Variants in SMOC1 observed in about 807,000 individuals in gnomAD.
SMOC1 encodes the protein SPARC-related modular calcium-binding protein 1.
Under a neutral mutation model 56.3 loss-of-function variants are expected in SMOC1, and 22 were observed. That is an observed-to-expected ratio of 0.39 (90% CI 0.28 to 0.56). The LOEUF (loss-of-function observed/expected upper bound fraction) is 0.56. SMOC1 is among the 20% of genes least tolerant of loss of function. The probability of loss-of-function intolerance (pLI) is 0.61; values close to 1 mark genes in which losing one functional copy is unlikely to be tolerated. For missense variants in SMOC1, 509 were observed against 565.4 expected (o/e 0.90, Z 1.01); for synonymous variants, 193 against 215.0 (o/e 0.90, Z 0.89).
chr14:70,029,202 G>C (rs1594864960), intron 11 of SMOC1, among the ~76,000 whole-genome samples: 1 of 152,218 alleles, frequency 6.6e-6, no homozygotes, highest in East Asian at 1.9e-4. Flanking sequence ...AGGACCTGCT[G>C]GAGCAGGCGT....
chr14:69,960,659 C>A (rs1455348534), intron 3 of SMOC1, among the ~76,000 whole-genome samples: 1 of 152,218 alleles, frequency 6.6e-6, no homozygotes, highest in Non-Finnish European at 1.5e-5. Flanking sequence ...GAGCATCTCA[C>A]TACTTGTTTT....
At chr14:69,981,550 G>A (rs1373261810) in intron 5 of SMOC1, among the ~76,000 whole-genome samples, 2 of 152,028 alleles carry the variant, frequency 1.3e-5, no homozygotes, top group East Asian at 1.9e-4. Flanking sequence ...AGAGGGGGAC[G>A]GTGCACATGT....
chr14:70,023,793 G>A (rs1188271766), intron 11 of SMOC1, among the ~76,000 whole-genome samples: 1 of 151,636 alleles, frequency 6.6e-6, no homozygotes, highest in East Asian at 1.9e-4. Context: ...CAGCATGGTC[G>A]CAGGTTGTAG....
At chr14:70,016,835 T>A (rs1187505023) in intron 10 of SMOC1, among the ~76,000 whole-genome samples, 2 of 152,210 alleles carry the variant, frequency 1.3e-5, no homozygotes, top group Admixed American at 6.5e-5. Flanking sequence ...CCTGCTTATC[T>A]ATTTAAATGT....
chr14:70,018,844 A>G (rs531777859), intron 10 of SMOC1, among the ~76,000 whole-genome samples: 1 of 152,300 alleles, frequency 6.6e-6, no homozygotes, highest in African/African-American at 2.4e-5. Flanking sequence ...TGCAAGGAAG[A>G]GGCTGGAATG....
At chr14:69,904,221 C>G (rs1884346933) in intron 1 of SMOC1, among the ~76,000 whole-genome samples, 2 of 152,264 alleles carry the variant, frequency 1.3e-5, no homozygotes, top group African/African-American at 4.8e-5. Flanking sequence ...TCATTCACAA[C>G]AGAGAGTCAG....
chr14:69,903,706 A>G (rs1252672067), intron 1 of SMOC1, among the ~76,000 whole-genome samples: 1 of 152,126 alleles, frequency 6.6e-6, no homozygotes, highest in Non-Finnish European at 1.5e-5. Context: ...TGAAGGCAGC[A>G]TGCTCGTTAA....
chr14:69,947,714 C>T (rs1882840044), intron 1 of SMOC1, among the ~76,000 whole-genome samples: 1 of 152,112 alleles, frequency 6.6e-6, no homozygotes, highest in Admixed American at 6.5e-5. Context: ...AGCCTCTAGC[C>T]ACATGTGGTC....
intron 1 of SMOC1, among the ~76,000 whole-genome samples, chr14:69,900,988 T>C (rs930697843): frequency 6.6e-6 from 1 of 152,224 alleles, no homozygotes; most frequent in African/African-American, 2.4e-5. Context: ...GCTCCTTTAC[T>C]GACATGAAAT....
Position 69,922,316 on chromosome 14 carries a change from C to CT in SMOC1, c.100-29815dup, listed in dbSNP as rs113076323. Reference sequence around the variant, plus strand: ...TAAACAGTGGTGATGTTGTTATCTGCTTTTTTTGCCTCTCTTCATCATGCT... The same window carrying CT: ...TAAACAGTGGTGATGTTGTTATCTGCTTTTTTTTGCCTCTCTTCATCATGCT... On this transcript the variant is annotated intron_variant, in intron 1 of 11. Transcript: ENST00000361956. Among the ~76,000 whole-genome samples the CT allele has an allele frequency of 2.6e-3, 399 of 152,316 alleles. 1 individual carries two copies. Among genetic ancestry groups the CT allele is most frequent in the Middle Eastern group, 0.01 (3 of 294 alleles).
At chr14:70,024,820 G>T (rs1441334551) in intron 11 of SMOC1, among the ~76,000 whole-genome samples, 1 of 152,182 alleles carries the variant, frequency 6.6e-6, no homozygotes, top group African/African-American at 2.4e-5. Context: ...AAGGCGTTCA[G>T]AGAATTGATA....
At chr14:69,886,087 G>A (rs1001811699) in intron 1 of SMOC1, 18 of 1,573,406 alleles carry the variant, frequency 1.1e-5, no homozygotes, top group Non-Finnish European at 1.5e-5. Context: ...GCTTCTTCAC[G>A]ACAGCTGGGG....
chr14:69,883,896 T>TTTTG (rs1883718016), intron 1 of SMOC1, among the ~76,000 whole-genome samples: 1 of 110,902 alleles, frequency 9.0e-6, no homozygotes, highest in African/African-American at 3.4e-5. Context: ...AGCATTTTTT[T>TTTTG]TTTTTTTTTT....
intron 1 of SMOC1, among the ~76,000 whole-genome samples, chr14:69,932,101 C>T (rs939212763): frequency 6.6e-6 from 1 of 152,222 alleles, no homozygotes; most frequent in Non-Finnish European, 1.5e-5. Flanking sequence ...CCAACAGGTG[C>T]GTGGTGGGTT....
At chr14:69,960,179 G>A (rs1188214810) in intron 3 of SMOC1, among the ~76,000 whole-genome samples, 1 of 152,208 alleles carries the variant, frequency 6.6e-6, no homozygotes, top group Non-Finnish European at 1.5e-5. Flanking sequence ...GAAGGGGTTT[G>A]TCCTATCTTT....
At chr14:69,987,891 G>C (rs181012571) in intron 5 of SMOC1, among the ~76,000 whole-genome samples, 1 of 152,166 alleles carries the variant, frequency 6.6e-6, no homozygotes, top group Admixed American at 6.5e-5. Flanking sequence ...GAGCCCATGC[G>C]GGGGCTGCAA....
At chr14:69,942,113 C>T (rs1882587865) in intron 1 of SMOC1, among the ~76,000 whole-genome samples, 1 of 152,170 alleles carries the variant, frequency 6.6e-6, no homozygotes, top group South Asian at 2.1e-4. Flanking sequence ...ATCCCATTTT[C>T]CCATATCCTA....
chr14:69,885,017 T>C (rs1883756818), intron 1 of SMOC1, among the ~76,000 whole-genome samples: 1 of 152,206 alleles, frequency 6.6e-6, no homozygotes, highest in Non-Finnish European at 1.5e-5. Flanking sequence ...TAGATTGCTT[T>C]GGGAAGTATA....
chr14:69,937,833 T>G (rs1882378446), intron 1 of SMOC1, among the ~76,000 whole-genome samples: 1 of 152,154 alleles, frequency 6.6e-6, no homozygotes. Flanking sequence ...CATCAATCAG[T>G]ACAGCAGGAT....
Sources: allele counts gnomAD v4.1 joint callset (sites outside exome capture counted in the v4.1 genomes callset), GRCh38; gene constraint gnomAD v4.1.1; transcripts MANE v1.5; gene names NCBI Gene and HGNC (gene_info 2026-07-23, HGNC 2026-07-21).